PARD3: variants seen among roughly 807,000 people sequenced by gnomAD.
PARD3 encodes par-3 family cell polarity regulator, also known as partitioning defective 3 homolog.
In PARD3, 75 loss-of-function variants were observed where a neutral mutation model predicts 155.4. That is an observed-to-expected ratio of 0.48 (90% CI 0.40 to 0.58). The LOEUF (loss-of-function observed/expected upper bound fraction) is 0.58, where lower values mean the gene tolerates loss of function less well. Among genes scored for constraint, PARD3 ranks in the 20% least tolerant of loss-of-function variants. The pLI is 0.00. For missense variants in PARD3, 1,642 were observed against 1,721.7 expected (o/e 0.95, Z 0.82); for synonymous variants, 576 against 610.5 (o/e 0.94, Z 0.83).
chr10:34,391,362 G>A (rs988940261), intron 7 of PARD3, among the ~76,000 whole-genome samples: 1 of 152,206 alleles, frequency 6.6e-6, no homozygotes, highest in Admixed American at 6.5e-5. Flanking sequence ...CAGGGGCCTA[G>A]CGCCCTCCAG....
intron 22 of PARD3, among the ~76,000 whole-genome samples, chr10:34,135,967 T>C (rs1947874867): frequency 6.6e-6 from 1 of 152,216 alleles, no homozygotes; most frequent in Admixed American, 6.5e-5. Context: ...TGTTGCTTCT[T>C]ATTTAAGAGA....
chr10:34,517,590 G>GT (rs759378682), intron 2 of PARD3, among the ~76,000 whole-genome samples: 1 of 152,182 alleles, frequency 6.6e-6, no homozygotes, highest in Non-Finnish European at 1.5e-5. Flanking sequence ...AACTAAACAT[G>GT]TATCTTCTCA....
intron 5 of PARD3, among the ~76,000 whole-genome samples, chr10:34,437,946 G>A (rs1037992080): frequency 2.0e-5 from 3 of 151,908 alleles, no homozygotes; most frequent in Non-Finnish European, 2.9e-5. Flanking sequence ...ACTATCTTGG[G>A]CCTATAAGAA....
At chr10:34,677,043 G>A (rs1254478310) in intron 2 of PARD3, among the ~76,000 whole-genome samples, 1 of 152,152 alleles carries the variant, frequency 6.6e-6, no homozygotes, top group Non-Finnish European at 1.5e-5. Flanking sequence ...CAGGTTTGCT[G>A]AAAATTCTTT....
At chr10:34,356,382 A>G (rs543180351) in intron 14 of PARD3, among the ~76,000 whole-genome samples, 1 of 152,222 alleles carries the variant, frequency 6.6e-6, no homozygotes, top group South Asian at 2.1e-4. Context: ...AAAATGAAAA[A>G]TAAAGAAGAC....
intron 5 of PARD3, among the ~76,000 whole-genome samples, chr10:34,416,696 T>C (rs987274747): frequency 3.9e-5 from 6 of 152,188 alleles, no homozygotes; most frequent in African/African-American, 1.2e-4. Context: ...AACACTGACA[T>C]CCATTTGCTA....
intron 2 of PARD3, among the ~76,000 whole-genome samples, chr10:34,545,451 T>C (rs961481921): frequency 6.6e-6 from 1 of 152,144 alleles, no homozygotes; most frequent in African/African-American, 2.4e-5. Flanking sequence ...CAGTAAGAAA[T>C]TTGTTGACAT....
intron 5 of PARD3, among the ~76,000 whole-genome samples, chr10:34,427,452 G>C (rs969016013): frequency 6.6e-6 from 1 of 152,136 alleles, no homozygotes; most frequent in Non-Finnish European, 1.5e-5. Flanking sequence ...CCAGCCTGGC[G>C]AATTCTAGTC....
intron 5 of PARD3, among the ~76,000 whole-genome samples, chr10:34,433,672 T>C (rs2076054400): frequency 6.6e-6 from 1 of 152,222 alleles, no homozygotes. Flanking sequence ...CTAGAGGAGA[T>C]TCTTGAAAAG....
chr10:34,507,549 A>AAAAAAAAAAAAAAC (rs1564790855), intron 3 of PARD3, among the ~76,000 whole-genome samples: 8 of 107,818 alleles, frequency 7.4e-5, no homozygotes, highest in African/African-American at 2.4e-4. Flanking sequence ...TTAAAAAAAC[A>AAAAAAAAAAAAAAC]AAAAAAAAAA....
chr10:34,289,525 G>C (rs933066095), intron 20 of PARD3, among the ~76,000 whole-genome samples: 3 of 151,740 alleles, frequency 2.0e-5, no homozygotes, highest in Non-Finnish European at 4.4e-5. Flanking sequence ...AATAAGTAGA[G>C]GGATAAAAAG....
chr10:34,770,654 T>C (rs1053593828), intron 1 of PARD3, among the ~76,000 whole-genome samples: 33 of 152,220 alleles, frequency 2.2e-4, no homozygotes, highest in African/African-American at 8.0e-4. Flanking sequence ...TTACAAGGTA[T>C]GTGGCCTTGG....
In PARD3 at chr10:34,214,769, A is replaced by G. The variant is rs562025852; in HGVS notation, c.3419+54888T>C. ...GAGGACCCTCTTTTTCAGGAGAAGC[A>G]TAACATCAGAAGTGACATTTTGAAG... On this transcript the variant is annotated intron_variant, in intron 22 of 24. Transcript: ENST00000374788. Among the ~76,000 whole-genome samples, 13 of 152,374 alleles carry G rather than the reference A, an allele frequency of 8.5e-5. No homozygotes were observed. The East Asian group carries it at 2.3e-3, about 27-fold the overall frequency.
chr10:34,624,568 G>A (rs572143527), intron 2 of PARD3, among the ~76,000 whole-genome samples: 1 of 152,360 alleles, frequency 6.6e-6, no homozygotes, highest in South Asian at 2.1e-4. Context: ...GATGTAGCCA[G>A]TAAGACCCAA....
At chr10:34,150,422 T>C (rs1188752871) in intron 22 of PARD3, among the ~76,000 whole-genome samples, 1 of 152,214 alleles carries the variant, frequency 6.6e-6, no homozygotes, top group Non-Finnish European at 1.5e-5. Flanking sequence ...GCTGGAGATA[T>C]ATGATAAACC....
rs893389712 is a variant in PARD3 at position 34,442,909 on chromosome 10, T to C, written c.714+7408A>G. On this transcript the variant is annotated intron_variant, in intron 5 of 24. Coordinates refer to ENST00000374788, the MANE Select transcript of PARD3 (RefSeq NM_001184785.2). ...ACAGAAAAAAGATAAGAAAACATTA[T>C]CATTTCATACTCCAGAAAACATCTT... 3.9e-5 allele frequency among the ~76,000 whole-genome samples: 6 copies of C among 152,198 alleles called. No individual in the cohort carries two copies. In the South Asian group the frequency reaches 8.3e-4, roughly 21 times the overall value.
intron 1 of PARD3, among the ~76,000 whole-genome samples, chr10:34,785,020 G>C (rs1415706108): frequency 6.6e-6 from 1 of 152,176 alleles, no homozygotes; most frequent in South Asian, 2.1e-4. Context: ...AAGGATACTG[G>C]AATTTATTTA....
In PARD3 at chr10:34,570,056, C is replaced by A. The variant is rs553496865; in HGVS notation, c.223-52897G>T. Among the ~76,000 whole-genome samples the A allele has an allele frequency of 9.7e-4, 148 of 152,214 alleles. 1 individual carries two copies. The highest frequency in any genetic ancestry group is 8.7e-4 in the Non-Finnish European group (59 of 68,008). On this transcript the variant is annotated intron_variant, in intron 2 of 24. Coordinates refer to ENST00000374788, the MANE Select transcript of PARD3 (RefSeq NM_001184785.2). ...GACAAAATTTTCTCAAAATAGAAAA[C>A]TTAACATAGTACATCTATCTAATCC...
At chr10:34,712,948 C>A (rs534734508) in intron 1 of PARD3, among the ~76,000 whole-genome samples, 17 of 152,284 alleles carry the variant, frequency 1.1e-4, no homozygotes, top group African/African-American at 4.1e-4. Context: ...GTGGCTCATG[C>A]CTGTAATCAC....
Sources: allele counts gnomAD v4.1 joint callset (sites outside exome capture counted in the v4.1 genomes callset), GRCh38; gene constraint gnomAD v4.1.1; transcripts MANE v1.5; gene names NCBI Gene and HGNC (gene_info 2026-07-23, HGNC 2026-07-21).